ROR1: variants seen among roughly 807,000 people sequenced by gnomAD.
ROR1 encodes inactive tyrosine-protein kinase transmembrane receptor ROR1.
ROR1 carries 19 observed loss-of-function variants against 78.8 expected under a neutral mutation model. The observed-to-expected ratio is 0.24, with a 90% CI of 0.17 to 0.35. The LOEUF (loss-of-function observed/expected upper bound fraction) is 0.35. Ranked by LOEUF, ROR1 falls within the 10% of genes least tolerant of loss-of-function variation. The probability of loss-of-function intolerance (pLI) is 1.00; values close to 1 mark genes in which losing one functional copy is unlikely to be tolerated. For missense variants in ROR1, 917 were observed against 1,177.8 expected, an observed-to-expected ratio of 0.78 and a Z score of 3.24; for synonymous variants, 386 against 433.6, an observed-to-expected ratio of 0.89 and a Z score of 1.36.
intron 1 of ROR1, among the ~76,000 whole-genome samples, chr1:63,977,021 CAT>C (rs1471031677): frequency 6.6e-6 from 1 of 152,152 alleles, no homozygotes; most frequent in Non-Finnish European, 1.5e-5. Flanking sequence ...GGAAAGCAAA[CAT>C]GTTCTTCTTC....
intron 1 of ROR1, among the ~76,000 whole-genome samples, chr1:63,952,296 C>T (rs535707233): frequency 2.0e-5 from 3 of 152,068 alleles, no homozygotes; most frequent in East Asian, 1.9e-4. Context: ...TGGGCCTTTT[C>T]GAGGAAGGTC....
intron 1 of ROR1, among the ~76,000 whole-genome samples, chr1:63,855,814 A>C: frequency 9.9e-6 from 1 of 100,768 alleles, no homozygotes. Flanking sequence ...ACGCCCCACT[A>C]ATTTTTTTTT....
intron 1 of ROR1, among the ~76,000 whole-genome samples, chr1:63,818,054 G>A (rs997466963): frequency 5.3e-5 from 8 of 152,146 alleles, no homozygotes; most frequent in African/African-American, 1.7e-4. Context: ...TGTGAGATAC[G>A]TATTATTATT....
chr1:64,016,197 G>A (rs1045957609), intron 2 of ROR1, among the ~76,000 whole-genome samples: 1 of 152,090 alleles, frequency 6.6e-6, no homozygotes, highest in Non-Finnish European at 1.5e-5. Context: ...TGTTCTGGCT[G>A]CATTACCCAT....
At chr1:64,077,969 C>T (rs1334936709) in intron 4 of ROR1, among the ~76,000 whole-genome samples, 3 of 152,292 alleles carry the variant, frequency 2.0e-5, no homozygotes, top group East Asian at 1.9e-4. Context: ...AAGATGATGT[C>T]CCTGCCCTTA....
intron 1 of ROR1, among the ~76,000 whole-genome samples, chr1:63,979,798 G>T (rs1037167743): frequency 1.3e-5 from 2 of 152,196 alleles, no homozygotes; most frequent in African/African-American, 4.8e-5. Context: ...GAGTAGATAT[G>T]CTCAAAACCA....
At chr1:63,919,445 C>T (rs919998770) in intron 1 of ROR1, among the ~76,000 whole-genome samples, 1 of 149,656 alleles carries the variant, frequency 6.7e-6, no homozygotes, top group African/African-American at 2.5e-5. Context: ...GCTGAATTCC[C>T]CTAAAGGTAG....
chr1:64,080,685 A>T (rs1647093870), intron 4 of ROR1, among the ~76,000 whole-genome samples: 1 of 152,206 alleles, frequency 6.6e-6, no homozygotes, highest in Non-Finnish European at 1.5e-5. Context: ...CAGAGAAAAA[A>T]CATCAGACAT....
intron 4 of ROR1, among the ~76,000 whole-genome samples, chr1:64,064,567 C>G (rs1160689093): frequency 6.6e-6 from 1 of 152,166 alleles, no homozygotes; most frequent in East Asian, 1.9e-4. Flanking sequence ...AGCACTCATA[C>G]CCCAGATTGA....
intron 4 of ROR1, among the ~76,000 whole-genome samples, chr1:64,092,605 T>A (rs1476251261): frequency 6.6e-6 from 1 of 152,172 alleles, no homozygotes; most frequent in Non-Finnish European, 1.5e-5. Context: ...CCTGAATTAA[T>A]GTTCTGGTGA....
chr1:63,811,675 T>C (rs568346106), intron 1 of ROR1, among the ~76,000 whole-genome samples: 2 of 152,176 alleles, frequency 1.3e-5, no homozygotes, highest in Non-Finnish European at 2.9e-5. Context: ...AGTTCCCTGG[T>C]GAACATAGAA....
chr1:63,906,411 A>T (rs899191554), intron 1 of ROR1, among the ~76,000 whole-genome samples: 2 of 152,208 alleles, frequency 1.3e-5, no homozygotes, highest in East Asian at 3.9e-4. Context: ...AAGACATTTT[A>T]TGTATGCCTG....
intron 4 of ROR1, among the ~76,000 whole-genome samples, chr1:64,067,856 G>T (rs1646970897): frequency 6.6e-6 from 1 of 151,966 alleles, no homozygotes; most frequent in African/African-American, 2.4e-5. Flanking sequence ...GGGACTACAG[G>T]CGCCTGCCAC....
intron 1 of ROR1, among the ~76,000 whole-genome samples, chr1:63,951,427 A>G (rs886932137): frequency 6.6e-6 from 1 of 152,210 alleles, no homozygotes; most frequent in African/African-American, 2.4e-5. Context: ...ATGTCAGTCA[A>G]TGAAAGTGAT....
chr1:64,136,355 A>AT (rs561354647), intron 4 of ROR1, among the ~76,000 whole-genome samples: 6,091 of 137,976 alleles, frequency 0.044, 193 homozygotes, highest in Admixed American at 0.11. Context: ...AAAACGGTGT[A>AT]TTTTTTTTTT....
At chr1:64,060,680 A>G (rs1646909974) in intron 4 of ROR1, among the ~76,000 whole-genome samples, 1 of 152,320 alleles carries the variant, frequency 6.6e-6, no homozygotes, top group East Asian at 1.9e-4. Flanking sequence ...GGGCCAGCAC[A>G]CAGAGGGCCA....
intron 1 of ROR1, among the ~76,000 whole-genome samples, chr1:63,928,877 G>A (rs932144562): frequency 6.6e-6 from 1 of 152,190 alleles, no homozygotes; most frequent in African/African-American, 2.4e-5. Flanking sequence ...CTGTGCTGCG[G>A]ACTGCTCTTT....
chr1:63,852,399 G>T (rs1471497403), intron 1 of ROR1, among the ~76,000 whole-genome samples: 1 of 152,194 alleles, frequency 6.6e-6, no homozygotes, highest in African/African-American at 2.4e-5. Flanking sequence ...TTAGAAGTCT[G>T]CTCCCTCTTT....
intron 1 of ROR1, among the ~76,000 whole-genome samples, chr1:63,827,651 A>G (rs539531924): frequency 1.9e-4 from 29 of 152,328 alleles, no homozygotes; most frequent in African/African-American, 7.0e-4. Flanking sequence ...GTTCTGAAGT[A>G]TGAGAGGACA....
Sources: allele counts gnomAD v4.1 joint callset (sites outside exome capture counted in the v4.1 genomes callset), GRCh38; gene constraint gnomAD v4.1.1; transcripts MANE v1.5; gene names NCBI Gene and HGNC (gene_info 2026-07-23, HGNC 2026-07-21).